The following BCKDHB variants were observed in gnomAD, a reference collection of about 807,000 sequenced individuals.
The protein encoded by BCKDHB is branched chain keto acid dehydrogenase E1 subunit beta.
In BCKDHB, 41 loss-of-function variants were observed where a neutral mutation model predicts 48.5. That is an observed-to-expected ratio of 0.85 (90% CI 0.66 to 1.10). The LOEUF (loss-of-function observed/expected upper bound fraction) is 1.10, where lower values mean the gene tolerates loss of function less well. BCKDHB is among the 50% of genes least tolerant of loss of function. The pLI, the probability that BCKDHB is intolerant of heterozygous loss-of-function variation, is 0.00. For synonymous variants in BCKDHB, 201 were observed against 174.8 expected, an observed-to-expected ratio of 1.15 and a Z score of -1.18; for missense variants, 496 against 494.2, an observed-to-expected ratio of 1.00 and a Z score of -0.03.
At chr6:80,288,042 A>G (rs1026582538) in intron 9 of BCKDHB, among the ~76,000 whole-genome samples, 1 of 152,198 alleles carries the variant, frequency 6.6e-6, no homozygotes, top group East Asian at 1.9e-4. Flanking sequence ...TGGAAATTAA[A>G]TAATCCTCAG....
chr6:80,215,024 A>G (rs1775104005), intron 8 of BCKDHB, among the ~76,000 whole-genome samples: 1 of 152,198 alleles, frequency 6.6e-6, no homozygotes, highest in Admixed American at 6.5e-5. Context: ...TTTAAGTCAT[A>G]TGTTAAAAAT....
chr6:80,411,739 G>A, the BCKDHB span, among the ~76,000 whole-genome samples: 1 of 152,252 alleles, frequency 6.6e-6, no homozygotes, highest in Non-Finnish European at 1.5e-5. Flanking sequence ...CTAGCAGTGA[G>A]CAAGGCTCTG....
At chr6:80,367,063 G>A in the BCKDHB span, among the ~76,000 whole-genome samples, 3 of 152,010 alleles carry the variant, frequency 2.0e-5, no homozygotes, top group Admixed American at 1.3e-4. Flanking sequence ...TATTATCCTG[G>A]TTCCCCTTCC....
At chr6:80,233,217 G>A (rs1429418095) in intron 8 of BCKDHB, among the ~76,000 whole-genome samples, 1 of 151,958 alleles carries the variant, frequency 6.6e-6, no homozygotes, top group Non-Finnish European at 1.5e-5. Flanking sequence ...CTAATTCCAG[G>A]AACGGATAAA....
chr6:80,460,140 G>T, the BCKDHB span, among the ~76,000 whole-genome samples: 1 of 152,024 alleles, frequency 6.6e-6, no homozygotes, highest in Non-Finnish European at 1.5e-5. Flanking sequence ...ATATCTAAAT[G>T]ATGAAGCAAT....
At chr6:80,216,937 T>C (rs1231279968) in intron 8 of BCKDHB, among the ~76,000 whole-genome samples, 1 of 152,158 alleles carries the variant, frequency 6.6e-6, no homozygotes, top group Non-Finnish European at 1.5e-5. Flanking sequence ...CAAAAGGATA[T>C]TACTTTTCTA....
chr6:80,289,430 A>G (rs1212341884), intron 9 of BCKDHB, among the ~76,000 whole-genome samples: 2 of 152,284 alleles, frequency 1.3e-5, no homozygotes, highest in African/African-American at 4.8e-5. Flanking sequence ...GGCTGACTAG[A>G]TGCAGCCAGG....
At chr6:80,387,467 A>G in the BCKDHB span, among the ~76,000 whole-genome samples, 1 of 152,244 alleles carries the variant, frequency 6.6e-6, no homozygotes, top group African/African-American at 2.4e-5. Context: ...GATTCCCACC[A>G]CATCCCTGTT....
the BCKDHB span, among the ~76,000 whole-genome samples, chr6:80,398,296 T>C: frequency 5.3e-5 from 8 of 151,904 alleles, no homozygotes; most frequent in African/African-American, 1.9e-4. Flanking sequence ...CTAGATTGGT[T>C]TATTAAAAAA....
intron 7 of BCKDHB, 34 bp downstream of exon 7, chr6:80,201,065 C>T (rs373822706): frequency 2.5e-5 from 37 of 1,507,520 alleles, no homozygotes; most frequent in South Asian, 3.4e-5. Context: ...TTAAAACCTA[C>T]GTTGTGCTTG....
At chr6:80,192,980 G>A (rs1481270706) in intron 6 of BCKDHB, among the ~76,000 whole-genome samples, 1 of 151,698 alleles carries the variant, frequency 6.6e-6, no homozygotes, top group Non-Finnish European at 1.5e-5. Context: ...CACCATGCCT[G>A]GCTAATTTTT....
intron 8 of BCKDHB, among the ~76,000 whole-genome samples, chr6:80,271,128 T>C (rs1301925993): frequency 6.6e-6 from 1 of 152,136 alleles, no homozygotes; most frequent in African/African-American, 2.4e-5. Context: ...GTTGGCTCGA[T>C]GTACATGTTG....
intron 3 of BCKDHB, among the ~76,000 whole-genome samples, chr6:80,133,034 A>G (rs1280902951): frequency 6.6e-6 from 1 of 152,202 alleles, no homozygotes; most frequent in Non-Finnish European, 1.5e-5. Context: ...CAATCAAGTC[A>G]CACTGCATTA....
At chr6:80,122,019 A>G (rs542286916) in intron 1 of BCKDHB, among the ~76,000 whole-genome samples, 3 of 152,294 alleles carry the variant, frequency 2.0e-5, no homozygotes, top group Admixed American at 1.3e-4. Context: ...ATTTTGAGAT[A>G]TGTTCCATCA....
rs531688594 is a variant in BCKDHB at position 80,198,025 on chromosome 6, A to G, written c.743-2909A>G. ...AATGAATACTGGGGTTAAGCCATCA[A>G]TGAATGGGCTAGAATTAACCTCTGA... On this transcript the variant is annotated intron_variant, in intron 6 of 9. Coordinates refer to ENST00000320393, the MANE Select transcript of BCKDHB (RefSeq NM_183050.4). Among the ~76,000 whole-genome samples the G allele has an allele frequency of 2.0e-5, 3 of 152,284 alleles. No homozygotes were observed. The East Asian group carries it at 5.8e-4, about 29-fold the overall frequency.
chr6:80,142,250 A>G (rs956633705), intron 3 of BCKDHB, among the ~76,000 whole-genome samples: 29 of 152,134 alleles, frequency 1.9e-4, no homozygotes, highest in African/African-American at 6.5e-4. Context: ...AATCAAATAA[A>G]ATACAAATAT....
intron 6 of BCKDHB, among the ~76,000 whole-genome samples, chr6:80,171,964 T>C (rs1772940230): frequency 6.6e-6 from 1 of 152,146 alleles, no homozygotes; most frequent in Non-Finnish European, 1.5e-5. Flanking sequence ...AAATGATTTT[T>C]TTCTGTCTAA....
At chr6:80,370,579 C>A in the BCKDHB span, among the ~76,000 whole-genome samples, 1 of 152,058 alleles carries the variant, frequency 6.6e-6, no homozygotes, top group Non-Finnish European at 1.5e-5. Context: ...TCCTCAAAGT[C>A]CATTATATCA....
At chr6:80,206,253 A>AT (rs1774652972) in intron 8 of BCKDHB, among the ~76,000 whole-genome samples, 2 of 151,494 alleles carry the variant, frequency 1.3e-5, no homozygotes, top group African/African-American at 4.9e-5. Flanking sequence ...ACCCCTTTGA[A>AT]TTTTTTATTG....
Sources: allele counts gnomAD v4.1 joint callset (sites outside exome capture counted in the v4.1 genomes callset), GRCh38; gene constraint gnomAD v4.1.1; transcripts MANE v1.5; gene names NCBI Gene and HGNC (gene_info 2026-07-23, HGNC 2026-07-21).